Variants in GPHN observed in about 807,000 individuals in gnomAD.
GPHN encodes the protein gephyrin.
Under a neutral mutation model 95.5 loss-of-function variants are expected in GPHN, and 17 were observed. The ratio of observed to expected loss-of-function variants is 0.18; its 90% CI spans 0.12 to 0.27. The LOEUF is 0.27. GPHN is among the 10% of genes least tolerant of loss of function. GPHN has a pLI of 1.00. For missense variants in GPHN, 660 were observed against 978.1 expected (o/e 0.67, Z 4.34); for synonymous variants, 320 against 322.5 (o/e 0.99, Z 0.08).
chr14:67,479,365 C>T, the GPHN span, among the ~76,000 whole-genome samples: 39 of 148,798 alleles, frequency 2.6e-4, no homozygotes, highest in Admixed American at 6.0e-4. Flanking sequence ...TGAGCGAGAT[C>T]GTACCACTGC....
intron 3 of GPHN, among the ~76,000 whole-genome samples, chr14:66,818,197 T>G (rs1056201010): frequency 1.3e-5 from 2 of 152,096 alleles, no homozygotes; most frequent in African/African-American, 2.4e-5. Context: ...TTGTACAGAT[T>G]ATTTCATCAC....
chr14:67,590,132 C>G, the GPHN span: 3 of 1,551,154 alleles, frequency 1.9e-6, no homozygotes, highest in African/African-American at 4.1e-5. Flanking sequence ...CTGGCAGCTC[C>G]TGTATACTTC....
chr14:67,621,619 AT>A, the GPHN span, among the ~76,000 whole-genome samples: 1 of 151,584 alleles, frequency 6.6e-6, no homozygotes, highest in East Asian at 2.0e-4. Context: ...CTAATTTTGT[AT>A]TTTTAGTAGA....
chr14:67,058,832 C>T (rs778022261), intron 11 of GPHN, 46 bp downstream of exon 11: 1 of 1,538,292 alleles, frequency 6.5e-7, no homozygotes, highest in East Asian at 2.2e-5. Flanking sequence ...TCATTTTTTT[C>T]CAAATAAGAT....
the GPHN span, chr14:67,729,309 G>C: frequency 1.3e-5 from 21 of 1,601,336 alleles, no homozygotes; most frequent in Non-Finnish European, 1.8e-5. Context: ...AGACGGCACG[G>C]GAGGGGGCGC....
intron 1 of GPHN, among the ~76,000 whole-genome samples, chr14:66,531,644 T>C (rs1261307245): frequency 2.0e-5 from 3 of 152,206 alleles, no homozygotes; most frequent in Non-Finnish European, 4.4e-5. Context: ...ATGAGTGATA[T>C]ATTGGTCTGA....
chr14:67,188,122 A>G, the GPHN span, among the ~76,000 whole-genome samples: 1 of 152,166 alleles, frequency 6.6e-6, no homozygotes, highest in African/African-American at 2.4e-5. Flanking sequence ...TGCAGCTGAG[A>G]AGATCCCATG....
chr14:67,256,305 CT>C, the GPHN span, among the ~76,000 whole-genome samples: 2 of 152,010 alleles, frequency 1.3e-5, no homozygotes, highest in Non-Finnish European at 2.9e-5. Flanking sequence ...TGAAGCTTGC[CT>C]TTTTCACTTG....
At chr14:67,009,921 G>A (rs755839021) in intron 9 of GPHN, among the ~76,000 whole-genome samples, 1 of 151,670 alleles carries the variant, frequency 6.6e-6, no homozygotes, top group Non-Finnish European at 1.5e-5. Context: ...ACTGTATCTG[G>A]CTAATTTTTG....
intron 4 of GPHN, among the ~76,000 whole-genome samples, chr14:66,846,356 T>C (rs768527090): frequency 6.6e-6 from 1 of 152,122 alleles, no homozygotes; most frequent in Non-Finnish European, 1.5e-5. Flanking sequence ...AAAGGTTGGG[T>C]AATCTGTAGT....
chr14:67,268,306 G>C, the GPHN span, among the ~76,000 whole-genome samples: 1 of 152,174 alleles, frequency 6.6e-6, no homozygotes, highest in Non-Finnish European at 1.5e-5. Flanking sequence ...TGTTGAGATA[G>C]AACTCTCATA....
chr14:66,675,961 G>A (rs754874655), intron 1 of GPHN, among the ~76,000 whole-genome samples: 4 of 151,580 alleles, frequency 2.6e-5, no homozygotes, highest in African/African-American at 7.3e-5. Flanking sequence ...TGTTGATTTT[G>A]TATCCTGCAA....
chr14:67,202,214 G>T, the GPHN span, among the ~76,000 whole-genome samples: 1 of 152,244 alleles, frequency 6.6e-6, no homozygotes, highest in Non-Finnish European at 1.5e-5. Context: ...GCTAAAGTGG[G>T]TGGATCACCC....
chr14:67,057,090 G>A (rs140766002), intron 10 of GPHN, among the ~76,000 whole-genome samples: 1 of 152,230 alleles, frequency 6.6e-6, no homozygotes, highest in African/African-American at 2.4e-5. Context: ...AGCAGAGGGA[G>A]CCGGCTCTGG....
At chr14:66,961,945 T>TATATATATATAC (rs1555452362) in intron 8 of GPHN, among the ~76,000 whole-genome samples, 13 of 79,088 alleles carry the variant, frequency 1.6e-4, no homozygotes, top group Admixed American at 6.3e-4. Flanking sequence ...TATATATATA[T>TATATATATATAC]ATACACATAT....
chr14:66,829,041 T>A (rs1364420438), intron 4 of GPHN, among the ~76,000 whole-genome samples: 1 of 151,672 alleles, frequency 6.6e-6, no homozygotes, highest in Non-Finnish European at 1.5e-5. Flanking sequence ...TAGAATTTTG[T>A]CTTGATAATA....
At chr14:67,225,958 T>TGCGCGC in the GPHN span, among the ~76,000 whole-genome samples, 15 of 130,166 alleles carry the variant, frequency 1.2e-4, no homozygotes, top group African/African-American at 4.8e-4. Context: ...TGTGTGTGTG[T>TGCGCGC]GTGTGCGCGC....
chr14:66,753,963 C>A (rs944466216), intron 2 of GPHN, among the ~76,000 whole-genome samples: 2 of 152,024 alleles, frequency 1.3e-5, no homozygotes, highest in African/African-American at 2.4e-5. Flanking sequence ...TAGAATTATA[C>A]AACATATAGG....
the GPHN span, among the ~76,000 whole-genome samples, chr14:67,638,596 G>A: frequency 6.6e-6 from 1 of 152,046 alleles, no homozygotes; most frequent in African/African-American, 2.4e-5. Flanking sequence ...TCCTTACCTG[G>A]CACTGAAACT....
Sources: gnomAD v4.1 joint callset for allele counts (sites outside exome capture counted in the v4.1 genomes callset) on GRCh38, gnomAD v4.1.1 for gene constraint, MANE v1.5 for transcripts, NCBI Gene and HGNC (gene_info 2026-07-23, HGNC 2026-07-21) for gene names.